Variants in RAB38 observed in about 807,000 individuals in gnomAD.
RAB38 encodes the protein RAB38, member RAS oncogene family.
RAB38 carries 15 observed loss-of-function variants against 18.4 expected under a neutral mutation model. That is an observed-to-expected ratio of 0.82 (90% confidence interval 0.55 to 1.26). The LOEUF (loss-of-function observed/expected upper bound fraction) is 1.26, where lower values mean the gene tolerates loss of function less well. RAB38 is among the 50% of genes most tolerant of loss of function. The probability of loss-of-function intolerance (pLI) is 0.00; values close to 1 mark genes in which losing one functional copy is unlikely to be tolerated. For missense variants in RAB38, 294 were observed against 267.4 expected (o/e 1.10, Z -0.69); for synonymous variants, 101 against 104.4 (o/e 0.97, Z 0.20).
At chr11:87,953,085 G>T in the RAB38 span, among the ~76,000 whole-genome samples, 1 of 151,160 alleles carries the variant, frequency 6.6e-6, no homozygotes, top group Non-Finnish European at 1.5e-5. Context: ...ACAGACTCCT[G>T]ATGATCATTT....
At chr11:87,944,268 GCAAA>G in the RAB38 span, among the ~76,000 whole-genome samples, 1 of 152,030 alleles carries the variant, frequency 6.6e-6, no homozygotes, top group African/African-American at 2.4e-5. Context: ...ACCTTCAATT[GCAAA>G]CAAACAAAAA....
At chr11:87,945,347 C>T in the RAB38 span, among the ~76,000 whole-genome samples, 3 of 152,066 alleles carry the variant, frequency 2.0e-5, no homozygotes, top group Non-Finnish European at 2.9e-5. Flanking sequence ...TTAAATCTCA[C>T]TCTAATAAAT....
chr11:87,929,554 T>A, the RAB38 span, among the ~76,000 whole-genome samples: 1 of 141,088 alleles, frequency 7.1e-6, no homozygotes, highest in Non-Finnish European at 1.6e-5. Context: ...ATTTTGATTC[T>A]TTTTTTTGGT....
chr11:87,867,249 T>C, the RAB38 span, among the ~76,000 whole-genome samples: 3 of 151,748 alleles, frequency 2.0e-5, no homozygotes, highest in African/African-American at 4.8e-5. Flanking sequence ...GTGGGCACCA[T>C]AGTAGCCAAA....
chr11:87,888,082 C>T, the RAB38 span, among the ~76,000 whole-genome samples: 1 of 151,844 alleles, frequency 6.6e-6, no homozygotes, highest in East Asian at 2.0e-4. Context: ...CTTGATCTTA[C>T]TATGTACCAA....
chr11:87,844,048 T>G, the RAB38 span, among the ~76,000 whole-genome samples: 32 of 152,314 alleles, frequency 2.1e-4, no homozygotes, highest in South Asian at 6.2e-4. Flanking sequence ...TTAACTATAT[T>G]TTCTATTTTC....
chr11:88,015,803 G>T, the RAB38 span, among the ~76,000 whole-genome samples: 104 of 152,170 alleles, frequency 6.8e-4, no homozygotes, highest in Middle Eastern at 3.4e-3. Context: ...GTTTCCAGTT[G>T]GGCTTTGGAG....
At chr11:88,148,886 G>GT (rs761422449) in intron 2 of RAB38, among the ~76,000 whole-genome samples, 2 of 151,734 alleles carry the variant, frequency 1.3e-5, no homozygotes, top group Admixed American at 6.6e-5. Context: ...TTTAGTTATG[G>GT]TTTTTTATGG....
intron 2 of RAB38, among the ~76,000 whole-genome samples, chr11:88,129,598 C>T (rs1287663752): frequency 6.6e-6 from 1 of 152,064 alleles, no homozygotes; most frequent in Non-Finnish European, 1.5e-5. Flanking sequence ...GAGCCGAGAT[C>T]GTGCCACTCA....
chr11:88,084,814 T>C, the RAB38 span, among the ~76,000 whole-genome samples: 14 of 152,018 alleles, frequency 9.2e-5, no homozygotes, highest in Non-Finnish European at 1.8e-4. Context: ...GTCATCTTTG[T>C]AATACCATTA....
At chr11:88,109,545 T>C (rs959299957), downstream of RAB38, among the ~76,000 whole-genome samples, 1 of 152,160 alleles carries the variant, frequency 6.6e-6, no homozygotes, top group Non-Finnish European at 1.5e-5. Flanking sequence ...CTAAAGAGCT[T>C]CTGCACAGCA....
At chr11:88,048,241 T>C in the RAB38 span, among the ~76,000 whole-genome samples, 1 of 152,284 alleles carries the variant, frequency 6.6e-6, no homozygotes, top group East Asian at 1.9e-4. Flanking sequence ...TAGAGGCCTT[T>C]CCCACAGGGT....
At chr11:87,851,509 T>G in the RAB38 span, among the ~76,000 whole-genome samples, 1 of 152,242 alleles carries the variant, frequency 6.6e-6, no homozygotes, top group Admixed American at 6.5e-5. Context: ...CATTGCTGTT[T>G]GTTTGGTCTG....
the RAB38 span, among the ~76,000 whole-genome samples, chr11:87,806,067 G>A: frequency 6.6e-6 from 1 of 152,268 alleles, no homozygotes; most frequent in Non-Finnish European, 1.5e-5. Context: ...TAGTCAGGTT[G>A]ATACATAAAA....
the RAB38 span, among the ~76,000 whole-genome samples, chr11:87,818,429 A>G: frequency 3.3e-5 from 5 of 152,210 alleles, 1 homozygote; most frequent in South Asian, 1.0e-3. Context: ...TATTTTTATT[A>G]CCTCCATTTT....
At chr11:88,173,426 T>G (rs1475202690) in intron 1 of RAB38, 1 of 701,616 alleles carries the variant, frequency 1.4e-6, no homozygotes, top group African/African-American at 1.9e-5. Flanking sequence ...GATTGCCTAC[T>G]ACATGCAGAG....
At chr11:87,921,045 C>T in the RAB38 span, among the ~76,000 whole-genome samples, 1 of 151,972 alleles carries the variant, frequency 6.6e-6, no homozygotes, top group Non-Finnish European at 1.5e-5. Flanking sequence ...GAAGGCATCA[C>T]ATGGTGAAAA....
At chr11:87,971,879 T>C in the RAB38 span, among the ~76,000 whole-genome samples, 44,979 of 151,868 alleles carry the variant, frequency 0.3, 7,585 homozygotes, top group Non-Finnish European at 0.38. Context: ...CACATGTTCA[T>C]TGCTATGCCC....
chr11:87,956,096 A>C, the RAB38 span, among the ~76,000 whole-genome samples: 1 of 151,844 alleles, frequency 6.6e-6, no homozygotes. Context: ...ATAATTTTTA[A>C]AAACAAACAT....
Sources: allele counts gnomAD v4.1 joint callset (sites outside exome capture counted in the v4.1 genomes callset), GRCh38; gene constraint gnomAD v4.1.1; transcripts MANE v1.5; gene names NCBI Gene and HGNC (gene_info 2026-07-23, HGNC 2026-07-21).